Variants in KCTD8 observed in about 807,000 individuals in gnomAD.
KCTD8 encodes the protein BTB/POZ domain-containing protein KCTD8.
A neutral mutation model predicts 31.5 loss-of-function variants in KCTD8; 27 were observed. That is an observed-to-expected ratio of 0.86 (90% CI 0.63 to 1.18). The LOEUF (loss-of-function observed/expected upper bound fraction) is 1.18, where lower values mean the gene tolerates loss of function less well. KCTD8 is among the 50% of genes most tolerant of loss of function. KCTD8 has a pLI of 0.00. For synonymous variants in KCTD8, 290 were observed against 280.0 expected (o/e 1.04, Z -0.36); for missense variants, 658 against 647.7 (o/e 1.02, Z -0.17).
At chr4:44,416,811 C>T (rs954016193) in intron 1 of KCTD8, among the ~76,000 whole-genome samples, 3 of 152,114 alleles carry the variant, frequency 2.0e-5, no homozygotes, top group African/African-American at 7.2e-5. Flanking sequence ...TTATAAATTA[C>T]CTAGGTTCAG....
At chr4:44,330,811 A>G (rs1389817494) in intron 1 of KCTD8, among the ~76,000 whole-genome samples, 1 of 151,942 alleles carries the variant, frequency 6.6e-6, no homozygotes, top group Non-Finnish European at 1.5e-5. Context: ...TGATGATGAC[A>G]ATGAAGGAGA....
intron 1 of KCTD8, among the ~76,000 whole-genome samples, chr4:44,363,072 T>C (rs999402739): frequency 2.6e-5 from 4 of 152,086 alleles, no homozygotes; most frequent in African/African-American, 7.2e-5. Context: ...GGAGGTTATG[T>C]GCAAGATGGT....
At chr4:44,229,840 T>TA (rs1215999960) in intron 1 of KCTD8, among the ~76,000 whole-genome samples, 2 of 150,756 alleles carry the variant, frequency 1.3e-5, no homozygotes, top group Non-Finnish European at 3.0e-5. Context: ...TTCTTTTTTT[T>TA]ATTATACTTT....
At chr4:44,302,348 G>A (rs909931937) in intron 1 of KCTD8, among the ~76,000 whole-genome samples, 21 of 152,144 alleles carry the variant, frequency 1.4e-4, no homozygotes, top group African/African-American at 4.8e-4. Context: ...TCCTACCCAT[G>A]AGCATGGAAT....
chr4:44,223,100 T>C (rs918931388), intron 1 of KCTD8, among the ~76,000 whole-genome samples: 5 of 152,180 alleles, frequency 3.3e-5, no homozygotes, highest in African/African-American at 7.2e-5. Flanking sequence ...TGAAAAATGA[T>C]AGTAGAGTGA....
At chr4:44,350,649 C>A (rs1315972867) in intron 1 of KCTD8, among the ~76,000 whole-genome samples, 1 of 152,068 alleles carries the variant, frequency 6.6e-6, no homozygotes, top group East Asian at 1.9e-4. Context: ...GACTGCTCTA[C>A]AAAAGATATA....
At position 44,447,615 on chromosome 4, in the gene KCTD8, G is replaced by A; in HGVS notation, c.909C>T (p.Asn303=). Residue 303 remains asparagine (N), a synonymous_variant, in exon 1 of 2, where the codon AAC becomes AAT. Coordinates refer to ENST00000360029, the MANE Select transcript of KCTD8 (RefSeq NM_198353.3). ...CNSSGTAAFV[N]QYRDDKIWSS... ...TCCAGATCTTGTCGTCGCGGTACTGGTTGACGAAGGCGGCGGTGCCCGAGG... is the reference window on the plus strand; with the variant it reads ...TCCAGATCTTGTCGTCGCGGTACTGATTGACGAAGGCGGCGGTGCCCGAGG... The A allele has an allele frequency of 6.2e-7, 1 of 1,605,422 alleles. No individual in the cohort carries two copies. Among genetic ancestry groups the A allele is most frequent in the Non-Finnish European group, 8.5e-7 (1 of 1,176,348 alleles).
intron 1 of KCTD8, among the ~76,000 whole-genome samples, chr4:44,372,626 T>C (rs1462142270): frequency 6.6e-6 from 1 of 152,192 alleles, no homozygotes; most frequent in Non-Finnish European, 1.5e-5. Flanking sequence ...TCAATCAGTT[T>C]ACTTACAAAC....
chr4:44,288,349 T>C (rs1007392514), intron 1 of KCTD8, among the ~76,000 whole-genome samples: 2 of 152,118 alleles, frequency 1.3e-5, no homozygotes, highest in Non-Finnish European at 2.9e-5. Flanking sequence ...ATAAAAACTT[T>C]CTTTAAAAAC....
At chr4:44,197,388 A>C (rs1165297473) in intron 1 of KCTD8, among the ~76,000 whole-genome samples, 1 of 152,148 alleles carries the variant, frequency 6.6e-6, no homozygotes, top group Non-Finnish European at 1.5e-5. Flanking sequence ...ACAGTAATCA[A>C]AAGGGGTTCC....
intron 1 of KCTD8, among the ~76,000 whole-genome samples, chr4:44,212,487 G>A (rs1392255961): frequency 6.6e-6 from 1 of 151,898 alleles, no homozygotes; most frequent in Non-Finnish European, 1.5e-5. Flanking sequence ...TAAACCAAAA[G>A]TTGGTCCACT....
At chr4:44,378,151 T>C (rs1719963702) in intron 1 of KCTD8, among the ~76,000 whole-genome samples, 1 of 149,792 alleles carries the variant, frequency 6.7e-6, no homozygotes, top group Admixed American at 6.7e-5. Context: ...TAATATTTTA[T>C]TATAAGCCCT....
At chr4:44,277,123 A>G (rs1716772777) in intron 1 of KCTD8, among the ~76,000 whole-genome samples, 1 of 151,934 alleles carries the variant, frequency 6.6e-6, no homozygotes, top group African/African-American at 2.4e-5. Context: ...TAAACATTAA[A>G]GTTATTAATA....
intron 1 of KCTD8, among the ~76,000 whole-genome samples, chr4:44,342,421 G>A (rs965054061): frequency 8.0e-5 from 12 of 150,620 alleles, no homozygotes; most frequent in Admixed American, 2.6e-4. Context: ...AGTAGGTCTC[G>A]ACAGTGGGCT....
intron 1 of KCTD8, among the ~76,000 whole-genome samples, chr4:44,201,510 C>A (rs753697235): frequency 6.6e-6 from 1 of 151,948 alleles, no homozygotes; most frequent in African/African-American, 2.4e-5. Flanking sequence ...CACATACTTA[C>A]AATTATTGAT....
chr4:44,298,347 A>G (rs1218259621), intron 1 of KCTD8, among the ~76,000 whole-genome samples: 4 of 152,050 alleles, frequency 2.6e-5, no homozygotes. Flanking sequence ...CGATATTTCT[A>G]CAGGGAAGTG....
chr4:44,288,144 G>C (rs918229054), intron 1 of KCTD8, among the ~76,000 whole-genome samples: 1 of 152,034 alleles, frequency 6.6e-6, no homozygotes, highest in African/African-American at 2.4e-5. Context: ...GGCATATTAG[G>C]GAAGGTATTT....
chr4:44,357,586 G>A (rs1055322795), intron 1 of KCTD8, among the ~76,000 whole-genome samples: 7 of 152,048 alleles, frequency 4.6e-5, no homozygotes, highest in African/African-American at 1.7e-4. Flanking sequence ...CTAACAAAAG[G>A]GAACATAGAA....
intron 1 of KCTD8, among the ~76,000 whole-genome samples, chr4:44,399,942 C>T (rs1176375844): frequency 6.6e-6 from 1 of 152,132 alleles, no homozygotes; most frequent in African/African-American, 2.4e-5. Context: ...GTTTCTGAAA[C>T]AACTTTGGAT....
Sources: allele counts gnomAD v4.1 joint callset (sites outside exome capture counted in the v4.1 genomes callset), GRCh38; gene constraint gnomAD v4.1.1; transcripts MANE v1.5; gene names NCBI Gene and HGNC (gene_info 2026-07-23, HGNC 2026-07-21).